Variants in SSBP3 observed in about 807,000 individuals in gnomAD.
The protein encoded by SSBP3 is single stranded DNA binding protein 3.
SSBP3 carries 5 observed loss-of-function variants against 69.6 expected under a neutral mutation model. The observed-to-expected ratio is 0.07, with a 90% CI of 0.04 to 0.15. SSBP3 has a LOEUF of 0.15. Ranked by LOEUF, SSBP3 falls within the 10% of genes least tolerant of loss-of-function variation. The pLI is 1.00. For missense variants in SSBP3, 312 were observed against 534.0 expected (o/e 0.58, Z 4.10); for synonymous variants, 196 against 193.4 (o/e 1.01, Z -0.11).
At chr1:54,387,860 G>A (rs1215692105) in intron 4 of SSBP3, among the ~76,000 whole-genome samples, 1 of 151,942 alleles carries the variant, frequency 6.6e-6, no homozygotes, top group Non-Finnish European at 1.5e-5. Context: ...TGCTGCACTC[G>A]AGTCGCTTCT....
In SSBP3 at chr1:54,294,159, A is replaced by AAAAGAAAG. The variant is rs747680453; in HGVS notation, c.277-12640_277-12633dup. Among the ~76,000 whole-genome samples the AAAAGAAAG allele has an allele frequency of 3.3e-3, 286 of 86,132 alleles. 1 individual carries two copies. Among genetic ancestry groups the AAAAGAAAG allele is most frequent in the Middle Eastern group, 7.2e-3 (1 of 138 alleles). 56.5% of individuals were successfully genotyped at this position (86,132 alleles called of 152,430 possible). A position where few individuals can be genotyped will look rare whatever the true frequency, so the allele number is the denominator to read the frequency against. ...CTCCATCTCAAAAAAAAAAAAAAAA[A>AAAAGAAAG]AAAGAAAGAAAGAAAGAAAGAAAGA... On this transcript the variant is annotated intron_variant, in intron 4 of 17. Coordinates refer to ENST00000610401, the Ensembl canonical transcript of SSBP3.
chr1:54,402,037 G>T, intron 3 of SSBP3, 92 bp from the exon 4 acceptor site: 1 of 1,126,952 alleles, frequency 8.9e-7, no homozygotes, highest in Non-Finnish European at 1.3e-6. Context: ...AACAGTACTA[G>T]GTCTCCCAAA....
intron 4 of SSBP3, among the ~76,000 whole-genome samples, chr1:54,327,582 C>G (rs1219438016): frequency 1.3e-5 from 2 of 152,116 alleles, no homozygotes; most frequent in Non-Finnish European, 1.5e-5. Flanking sequence ...CCCTTTCTCT[C>G]TCTCTTTTTT....
chr1:54,381,613 C>G (rs756503338), intron 4 of SSBP3, among the ~76,000 whole-genome samples: 25 of 152,208 alleles, frequency 1.6e-4, no homozygotes, highest in Non-Finnish European at 2.8e-4. Flanking sequence ...GGTGGGGCAC[C>G]TTGCCGAGGC....
chr1:54,360,146 C>T (rs1310863483), intron 4 of SSBP3, among the ~76,000 whole-genome samples: 1 of 152,188 alleles, frequency 6.6e-6, no homozygotes, highest in Non-Finnish European at 1.5e-5. Context: ...ACTTCTCTTC[C>T]TCTGCTGATT....
chr1:54,378,072 C>CT (rs1422077785), intron 4 of SSBP3, among the ~76,000 whole-genome samples: 1 of 152,190 alleles, frequency 6.6e-6, no homozygotes, highest in Non-Finnish European at 1.5e-5. Context: ...CCCCTGCACT[C>CT]TCCTGACGTG....
At chr1:54,273,998 G>T (rs746940597) in intron 5 of SSBP3, among the ~76,000 whole-genome samples, 1 of 152,184 alleles carries the variant, frequency 6.6e-6, no homozygotes, top group African/African-American at 2.4e-5. Flanking sequence ...GTCTGGAGGC[G>T]GACAGCAGGG....
intron 5 of SSBP3, among the ~76,000 whole-genome samples, chr1:54,266,583 G>A (rs1645106726): frequency 6.6e-6 from 1 of 152,148 alleles, no homozygotes; most frequent in African/African-American, 2.4e-5. Context: ...AAAAAGTGGA[G>A]TCTTCTGTAA....
chr1:54,304,169 C>T (rs1277892265), intron 4 of SSBP3, among the ~76,000 whole-genome samples: 1 of 152,162 alleles, frequency 6.6e-6, no homozygotes, highest in African/African-American at 2.4e-5. Context: ...CTGGGGAGCA[C>T]TTGGGTCGGG....
chr1:54,276,728 A>G (rs1204975581), intron 5 of SSBP3, among the ~76,000 whole-genome samples: 8 of 152,004 alleles, frequency 5.3e-5, no homozygotes. Context: ...TGTGGAACAC[A>G]GATCTGGCCA....
chr1:54,394,572 C>G (rs929090948), intron 4 of SSBP3, among the ~76,000 whole-genome samples: 1 of 152,068 alleles, frequency 6.6e-6, no homozygotes, highest in East Asian at 1.9e-4. Flanking sequence ...GCCGACTGAT[C>G]AAGGCCTCAG....
chr1:54,335,138 CG>C (rs1557541874), intron 4 of SSBP3, among the ~76,000 whole-genome samples: 2 of 152,186 alleles, frequency 1.3e-5, no homozygotes, highest in African/African-American at 4.8e-5. Flanking sequence ...GCCCAACACC[CG>C]GACACAAGAA....
At chr1:54,228,406 C>A in intron 16 of SSBP3, 43 bp downstream of exon 16, 2 of 1,614,178 alleles carry the variant, frequency 1.2e-6, no homozygotes. Context: ...ACAACCTGCC[C>A]ACACAGATGG....
chr1:54,360,116 G>A (rs1646928030), intron 4 of SSBP3, among the ~76,000 whole-genome samples: 1 of 152,188 alleles, frequency 6.6e-6, no homozygotes, highest in South Asian at 2.1e-4. Context: ...TTTTCTCTCG[G>A]TTTTGGAATC....
At chr1:54,252,896 G>A (rs1044277640) in intron 7 of SSBP3, among the ~76,000 whole-genome samples, 2 of 152,210 alleles carry the variant, frequency 1.3e-5, no homozygotes, top group Non-Finnish European at 2.9e-5. Context: ...ATCAAAGGCT[G>A]GGCATCTGTG....
rs201308890 is a variant in SSBP3, at chr1:54,227,129, G to A, written c.*2C>T. The A allele has an allele frequency of 2.6e-5, 37 of 1,434,464 alleles. 1 individual carries two copies. In the East Asian group the frequency reaches 1.2e-3, roughly 46 times the overall value. 88.9% of individuals were successfully genotyped at this position (1,434,464 alleles called of 1,614,324 possible). On this transcript the variant is annotated 3_prime_UTR_variant, in exon 18 of 18. Transcript: ENST00000610401. ...TCTCTCAGCGTCTCGGAGAAGGGGG[G>A]ATCACACACTCATCGTCATGCTTGG...
rs992029696 is a variant in SSBP3 at position 54,251,470 on chromosome 1, G to A, written c.651+146C>T. 111 of 903,802 alleles carry A rather than the reference G, an allele frequency of 1.2e-4. 1 individual carries two copies. The highest frequency in any genetic ancestry group is 4.1e-4 in the South Asian group (27 of 65,176). The allele number at this position is 903,802 out of a possible 1,614,324, so 56.0% of individuals were successfully genotyped here. A position where few individuals can be genotyped will look rare whatever the true frequency, so the allele number is the denominator to read the frequency against. On this transcript the variant is annotated intron_variant, in intron 9 of 17. Coordinates refer to ENST00000610401, the Ensembl canonical transcript of SSBP3. ...GTGAAGCCAGCCTGCCACAGGAAGC[G>A]GACAGGAGCAGGGGATGCGGCCATG...
At chr1:54,265,530 C>G (rs974200175) in intron 5 of SSBP3, among the ~76,000 whole-genome samples, 6 of 152,192 alleles carry the variant, frequency 3.9e-5, no homozygotes, top group African/African-American at 1.2e-4. Flanking sequence ...CGAGAGCTCA[C>G]AGTCAGGTGG....
intron 17 of SSBP3, among the ~76,000 whole-genome samples, chr1:54,227,361 G>C (rs1190271379): frequency 1.3e-5 from 2 of 152,174 alleles, no homozygotes; most frequent in Non-Finnish European, 1.5e-5. Context: ...CGGGAGCTAA[G>C]AGCCACTTCT....
Sources: gnomAD v4.1 joint callset for allele counts (sites outside exome capture counted in the v4.1 genomes callset) on GRCh38, gnomAD v4.1.1 for gene constraint, MANE v1.5 for transcripts, NCBI Gene and HGNC (gene_info 2026-07-23, HGNC 2026-07-21) for gene names.